Variants in AGBL4 observed in about 807,000 individuals in gnomAD.
AGBL4 encodes AGBL carboxypeptidase 4, also known as cytosolic carboxypeptidase 6.
A neutral mutation model predicts 66.4 loss-of-function variants in AGBL4; 58 were observed. The observed-to-expected ratio is 0.87, with a 90% CI of 0.71 to 1.09. The LOEUF (loss-of-function observed/expected upper bound fraction) is 1.09. Ranked by LOEUF, AGBL4 falls within the 50% of genes least tolerant of loss-of-function variation. The pLI is 0.00. For synonymous variants in AGBL4, 234 were observed against 222.9 expected (o/e 1.05, Z -0.44); for missense variants, 579 against 631.0 (o/e 0.92, Z 0.88).
intron 10 of AGBL4, among the ~76,000 whole-genome samples, chr1:48,587,424 G>A (rs1310957781): frequency 6.6e-6 from 1 of 151,898 alleles, no homozygotes; most frequent in Non-Finnish European, 1.5e-5. Flanking sequence ...GCAGGGAAAA[G>A]CAGACAGAGG....
intron 3 of AGBL4, among the ~76,000 whole-genome samples, chr1:49,537,168 G>C (rs953202859): frequency 3.3e-5 from 5 of 152,126 alleles, no homozygotes; most frequent in Admixed American, 1.3e-4. Flanking sequence ...AGACTTAAAT[G>C]TAAGACCTGA....
At chr1:49,866,982 C>T (rs923400592) in intron 1 of AGBL4, among the ~76,000 whole-genome samples, 2 of 152,002 alleles carry the variant, frequency 1.3e-5, no homozygotes, top group South Asian at 2.1e-4. Context: ...TTTCTGTTTA[C>T]GTGAGGGTCT....
chr1:48,820,698 T>A (rs1646291809), intron 6 of AGBL4, among the ~76,000 whole-genome samples: 1 of 152,208 alleles, frequency 6.6e-6, no homozygotes, highest in African/African-American at 2.4e-5. Flanking sequence ...ACTGGAACTA[T>A]AGTTGGCTCT....
intron 3 of AGBL4, among the ~76,000 whole-genome samples, chr1:49,607,962 A>G (rs997737799): frequency 2.0e-5 from 3 of 152,166 alleles, no homozygotes; most frequent in Admixed American, 6.5e-5. Context: ...ATAGGGGAGA[A>G]GTGAGACTAT....
intron 6 of AGBL4, among the ~76,000 whole-genome samples, chr1:48,860,308 T>C (rs747579158): frequency 4.6e-5 from 7 of 152,116 alleles, no homozygotes; most frequent in South Asian, 2.1e-4. Flanking sequence ...TTGGATAATA[T>C]GTGAAAAAAG....
intron 2 of AGBL4, among the ~76,000 whole-genome samples, chr1:49,769,741 G>A (rs866776232): frequency 2.0e-5 from 3 of 152,268 alleles, no homozygotes; most frequent in Middle Eastern, 3.4e-3. Context: ...ATGGTGGTGG[G>A]ATAACTGGCT....
intron 3 of AGBL4, among the ~76,000 whole-genome samples, chr1:49,289,716 G>T (rs771323636): frequency 2.6e-5 from 4 of 152,074 alleles, no homozygotes; most frequent in Non-Finnish European, 5.9e-5. Context: ...GTAGCTAAGA[G>T]TATTCAAAGA....
intron 1 of AGBL4, among the ~76,000 whole-genome samples, chr1:49,862,893 T>C (rs1646608901): frequency 1.3e-5 from 2 of 152,044 alleles, no homozygotes; most frequent in Admixed American, 6.5e-5. Context: ...CTATAAGAAA[T>C]GCTAAATGAA....
At chr1:49,737,789 T>C (rs1650022290) in intron 2 of AGBL4, among the ~76,000 whole-genome samples, 2 of 152,198 alleles carry the variant, frequency 1.3e-5, no homozygotes, top group Non-Finnish European at 2.9e-5. Context: ...GACTTTCAAC[T>C]CAGAATTCCA....
intron 3 of AGBL4, among the ~76,000 whole-genome samples, chr1:49,669,994 A>C (rs1262573335): frequency 6.6e-6 from 1 of 152,180 alleles, no homozygotes; most frequent in Non-Finnish European, 1.5e-5. Context: ...AGCAAGTATT[A>C]GCATTTAAAT....
chr1:48,749,612 C>G (rs1001600927), intron 6 of AGBL4, among the ~76,000 whole-genome samples: 50 of 152,286 alleles, frequency 3.3e-4, no homozygotes, highest in African/African-American at 1.2e-3. Flanking sequence ...GTGGGACCCT[C>G]AGCTCATCTC....
chr1:48,656,177 T>C (rs906738686), intron 7 of AGBL4, among the ~76,000 whole-genome samples: 2 of 152,206 alleles, frequency 1.3e-5, no homozygotes, highest in African/African-American at 4.8e-5. Context: ...GATTTGAAAT[T>C]AAAGCTGGAA....
chr1:49,702,380 A>G (rs1558175650), intron 2 of AGBL4, among the ~76,000 whole-genome samples: 1 of 151,998 alleles, frequency 6.6e-6, no homozygotes. Context: ...AGTCCCAGCT[A>G]CTCGGGAGGC....
At chr1:48,578,493 T>C (rs1305962034) in intron 11 of AGBL4, among the ~76,000 whole-genome samples, 1 of 152,132 alleles carries the variant, frequency 6.6e-6, no homozygotes, top group Admixed American at 6.5e-5. Flanking sequence ...TGACCTTGGG[T>C]ATGACACACA....
chr1:49,497,584 T>C (rs922045694), intron 3 of AGBL4, among the ~76,000 whole-genome samples: 27 of 152,028 alleles, frequency 1.8e-4, no homozygotes, highest in Non-Finnish European at 1.5e-4. Flanking sequence ...TAAAGTCTAT[T>C]TTCATTCTTC....
chr1:49,135,158 G>A (rs555403590), intron 4 of AGBL4, among the ~76,000 whole-genome samples: 5 of 151,790 alleles, frequency 3.3e-5, no homozygotes, highest in Non-Finnish European at 7.4e-5. Context: ...CAGACCTAAT[G>A]GTATAGATAT....
chr1:49,926,062 A>C (rs1033527407), intron 1 of AGBL4, among the ~76,000 whole-genome samples: 1 of 152,098 alleles, frequency 6.6e-6, no homozygotes, highest in Non-Finnish European at 1.5e-5. Context: ...GTTACAGTTG[A>C]CCTCGAGCAA....
At chr1:49,405,509 C>T (rs1216812139) in intron 3 of AGBL4, among the ~76,000 whole-genome samples, 1 of 152,064 alleles carries the variant, frequency 6.6e-6, no homozygotes, top group Non-Finnish European at 1.5e-5. Flanking sequence ...ATTATTGAAC[C>T]ATGGTGCCTA....
In AGBL4 at chr1:48,709,584, C is replaced by CATT. The variant is rs10657477; in HGVS notation, c.635-46346_635-46344dup. On this transcript the variant is annotated intron_variant, in intron 6 of 13. Transcript: ENST00000371839. ...TAGTGAGCACTTACTATTTGCCAGG[C>CATT]ATTATTATTATTATTATTATTATTA... Among the ~76,000 whole-genome samples, 1,091 of 141,882 alleles carry CATT rather than the reference C, an allele frequency of 7.7e-3. 8 individuals carry two copies. The highest frequency in any genetic ancestry group is 0.018 in the African/African-American group (701 of 39,042). 93.1% of individuals were successfully genotyped at this position (141,882 alleles called of 152,430 possible).
Sources: allele counts gnomAD v4.1 joint callset (sites outside exome capture counted in the v4.1 genomes callset), GRCh38; gene constraint gnomAD v4.1.1; transcripts MANE v1.5; gene names NCBI Gene and HGNC (gene_info 2026-07-23, HGNC 2026-07-21).